Variants in RIDA observed in about 807,000 individuals in gnomAD.
RIDA encodes the protein reactive intermediate imine deaminase A, also known as 2-iminobutanoate/2-iminopropanoate deaminase.
A neutral mutation model predicts 17.8 loss-of-function variants in RIDA; 17 were observed. The ratio of observed to expected loss-of-function variants is 0.96; its 90% CI spans 0.65 to 1.43. The LOEUF (loss-of-function observed/expected upper bound fraction) is 1.43. Among genes scored for constraint, RIDA ranks in the 40% most tolerant of loss-of-function variants. The pLI, the probability that RIDA is intolerant of heterozygous loss-of-function variation, is 0.00. For synonymous variants in RIDA, 48 were observed against 55.7 expected, an observed-to-expected ratio of 0.86 and a Z score of 0.62; for missense variants, 158 against 161.7, an observed-to-expected ratio of 0.98 and a Z score of 0.12.
intron 1 of RIDA, among the ~76,000 whole-genome samples, chr8:98,111,442 T>A (rs1006024774): frequency 1.3e-5 from 2 of 152,022 alleles, no homozygotes; most frequent in African/African-American, 4.8e-5. Flanking sequence ...ATCCTGTCTC[T>A]ACTAAAAAAC....
At chr8:98,115,506 C>G (rs1239989101) in intron 1 of RIDA, among the ~76,000 whole-genome samples, 1 of 148,602 alleles carries the variant, frequency 6.7e-6, no homozygotes, top group African/African-American at 2.5e-5. Flanking sequence ...GAAAAAAAAT[C>G]ATCTTTAGAA....
intron 4 of RIDA, among the ~76,000 whole-genome samples, chr8:98,104,891 A>G (rs1018781184): frequency 6.6e-6 from 1 of 151,844 alleles, no homozygotes; most frequent in African/African-American, 2.4e-5. Context: ...TTGTATTTTT[A>G]GTAGAGTCGG....
intron 5 of RIDA, among the ~76,000 whole-genome samples, chr8:98,103,511 G>T (rs1563762544): frequency 6.6e-6 from 1 of 152,114 alleles, no homozygotes; most frequent in South Asian, 2.1e-4. Context: ...CTAGTGGAAG[G>T]CTTAGATTTT....
At chr8:98,110,947 A>C (rs750479927) in intron 1 of RIDA, among the ~76,000 whole-genome samples, 8 of 152,146 alleles carry the variant, frequency 5.3e-5, no homozygotes, top group Non-Finnish European at 8.8e-5. Flanking sequence ...GCCATCATAT[A>C]CGATGTGCCT....
At position 98,108,637 on chromosome 8, in the gene RIDA, A is replaced by C. The variant is rs1815667800; in HGVS notation, c.171+9T>G. ...GAAAAGGGAACCTTAAATGTGGAAA[A>C]TAACTTACTTGTTTAGCTTCTTCTG... is the stretch of plus-strand genomic sequence containing the variant. On this transcript the variant is annotated intron_variant, in intron 2 of 5. Coordinates refer to ENST00000254878, the MANE Select transcript of RIDA (RefSeq NM_005836.3). 6.4e-7 allele frequency: 1 copy of C among 1,570,820 alleles called. No homozygotes were observed. The highest frequency in any genetic ancestry group is 2.2e-5 in the East Asian group (1 of 44,686).
intron 1 of RIDA, among the ~76,000 whole-genome samples, chr8:98,116,070 T>C (rs954173682): frequency 7.9e-5 from 12 of 152,200 alleles, no homozygotes; most frequent in Non-Finnish European, 1.2e-4. Context: ...TCTACCTCCA[T>C]GCCCTTCACT....
At chr8:98,103,257 G>C (rs1376470267) in intron 5 of RIDA, among the ~76,000 whole-genome samples, 1 of 152,186 alleles carries the variant, frequency 6.6e-6, no homozygotes, top group African/African-American at 2.4e-5. Flanking sequence ...TCCAAGTTCA[G>C]AGCTCTTTCT....
intron 1 of RIDA, 124 bp downstream of exon 1, chr8:98,116,908 T>C (rs1815844658): frequency 2.6e-6 from 2 of 765,996 alleles, no homozygotes; most frequent in South Asian, 1.7e-5. Context: ...TTCGGGCGCG[T>C]TGCTTACTTT....
chr8:98,102,858 G>A lies in RIDA; in HGVS notation c.398C>T (p.Thr133Ile). The A allele has an allele frequency of 6.2e-7, 1 of 1,612,804 alleles. No homozygotes were observed. Among genetic ancestry groups the A allele is most frequent in the Non-Finnish European group, 8.5e-7 (1 of 1,179,010 alleles). Residue 133 changes from threonine to isoleucine, a missense_variant, in exon 6 of 6, where the codon ACA (threonine) becomes ATA (isoleucine). Physicochemically the swap from Thr to Ile is moderately conservative, Grantham distance 89. Coordinates refer to ENST00000254878, the MANE Select transcript of RIDA (RefSeq NM_005836.3). ...TGGGCCCACTTATAGTGATGCCGTT[G>A]TCAGTGGTCCTTGGATAGCTACTGC... is the stretch of plus-strand genomic sequence containing the variant. ...IEAVAIQGPL[T>I]TASL
intron 1 of RIDA, among the ~76,000 whole-genome samples, chr8:98,115,748 A>G (rs1454970183): frequency 6.6e-6 from 1 of 152,168 alleles, no homozygotes; most frequent in Non-Finnish European, 1.5e-5. Flanking sequence ...GCCAACTGCA[A>G]TATCTAGCTA....
intron 1 of RIDA, among the ~76,000 whole-genome samples, chr8:98,109,159 G>A (rs375680353): frequency 1.3e-4 from 20 of 152,068 alleles, no homozygotes; most frequent in Non-Finnish European, 2.1e-4. Context: ...ATACCACTGC[G>A]CTCCAGCCTC....
intron 3 of RIDA, 89 bp downstream of exon 3, chr8:98,106,183 T>C (rs183390968): frequency 2.8e-5 from 36 of 1,267,982 alleles, no homozygotes; most frequent in East Asian, 1.4e-4. Context: ...AACAAAGATA[T>C]GGCACGGCAT....
intron 4 of RIDA, among the ~76,000 whole-genome samples, chr8:98,104,947 G>A (rs1815612234): frequency 6.6e-6 from 1 of 152,030 alleles, no homozygotes; most frequent in Non-Finnish European, 1.5e-5. Context: ...CTAATGTCAA[G>A]TGATCCACCC....
intron 4 of RIDA, among the ~76,000 whole-genome samples, chr8:98,105,353 T>A (rs1311155437): frequency 6.6e-6 from 1 of 152,184 alleles, no homozygotes; most frequent in African/African-American, 2.4e-5. Flanking sequence ...TACCTTTGCC[T>A]CATCCCATTA....
chr8:98,103,399 C>T (rs1815586824), intron 5 of RIDA, among the ~76,000 whole-genome samples: 1 of 152,146 alleles, frequency 6.6e-6, no homozygotes, highest in African/African-American at 2.4e-5. Context: ...GTAAGAGCTG[C>T]TTTTTTATAG....
chr8:98,108,867 C>A, intron 1 of RIDA, 116 bp from the exon 2 acceptor site: 1 of 609,746 alleles, frequency 1.6e-6, no homozygotes, highest in Non-Finnish European at 2.9e-6. Flanking sequence ...AAAACAGATA[C>A]ATTGGACTTC....
chr8:98,107,848 C>T (rs1424948111), intron 2 of RIDA, among the ~76,000 whole-genome samples: 2 of 151,916 alleles, frequency 1.3e-5, no homozygotes, highest in Non-Finnish European at 2.9e-5. Flanking sequence ...CAGCTCACTG[C>T]AACCTCCGCC....
chr8:98,107,261 A>G (rs922866361), intron 2 of RIDA, among the ~76,000 whole-genome samples: 5 of 152,194 alleles, frequency 3.3e-5, no homozygotes, highest in African/African-American at 1.2e-4. Flanking sequence ...GTGGAGGCTC[A>G]TGCCTGTAAT....
At chr8:98,103,217 A>T (rs1029865922) in intron 5 of RIDA, among the ~76,000 whole-genome samples, 11 of 152,248 alleles carry the variant, frequency 7.2e-5, no homozygotes, top group African/African-American at 2.7e-4. Context: ...CACAAGCTAG[A>T]TAGCAGAGGT....
Sources: gnomAD v4.1 joint callset for allele counts (sites outside exome capture counted in the v4.1 genomes callset) on GRCh38, gnomAD v4.1.1 for gene constraint, MANE v1.5 for transcripts, NCBI Gene and HGNC (gene_info 2026-07-23, HGNC 2026-07-21) for gene names.